Variants in CPED1 observed in about 807,000 individuals in gnomAD.
CPED1 encodes cadherin like and PC-esterase domain containing 1, also known as cadherin-like and PC-esterase domain-containing protein 1.
Under a neutral mutation model 128.2 loss-of-function variants are expected in CPED1, and 114 were observed. The observed-to-expected ratio is 0.89, with a 90% CI of 0.76 to 1.04. The LOEUF is 1.04. Ranked by LOEUF, CPED1 falls within the 50% of genes least tolerant of loss-of-function variation. The pLI is 0.00. For synonymous variants in CPED1, 462 were observed against 426.7 expected (o/e 1.08, Z -1.02); for missense variants, 1,211 against 1,207.1 (o/e 1.00, Z -0.05).
chr7:121,134,658 A>G (rs1415707256), intron 13 of CPED1, among the ~76,000 whole-genome samples: 1 of 152,122 alleles, frequency 6.6e-6, no homozygotes, highest in Non-Finnish European at 1.5e-5. Context: ...ACATTTATTC[A>G]TTACACAATG....
At chr7:121,018,879 C>G (rs1219153819) in intron 3 of CPED1, among the ~76,000 whole-genome samples, 1 of 152,082 alleles carries the variant, frequency 6.6e-6, no homozygotes, top group Non-Finnish European at 1.5e-5. Flanking sequence ...AATCAAACTA[C>G]AGAATTAAAG....
chr7:121,260,494 C>T (rs1413251424), intron 18 of CPED1, among the ~76,000 whole-genome samples: 3 of 151,932 alleles, frequency 2.0e-5, no homozygotes, highest in African/African-American at 7.2e-5. Flanking sequence ...CCACCCCTTT[C>T]ATCATTTAGA....
chr7:121,250,801 G>A (rs1441690054), intron 18 of CPED1, among the ~76,000 whole-genome samples: 1 of 151,962 alleles, frequency 6.6e-6, no homozygotes, highest in Admixed American at 6.6e-5. Context: ...ACCAATAACA[G>A]GATCTGAAAT....
chr7:121,060,241 G>A (rs935061675), intron 4 of CPED1, among the ~76,000 whole-genome samples: 26 of 152,358 alleles, frequency 1.7e-4, no homozygotes, highest in African/African-American at 5.8e-4. Context: ...GCTCCTGTGC[G>A]GCCGGAGCCT....
chr7:120,996,150 C>T (rs1433603515), intron 2 of CPED1, among the ~76,000 whole-genome samples: 1 of 151,992 alleles, frequency 6.6e-6, no homozygotes, highest in Admixed American at 6.6e-5. Context: ...GGATTGATGG[C>T]ATGTGCCTGG....
intron 16 of CPED1, among the ~76,000 whole-genome samples, chr7:121,218,683 A>C (rs529383333): frequency 6.6e-6 from 1 of 151,966 alleles, no homozygotes; most frequent in Non-Finnish European, 1.5e-5. Context: ...AGGGAGGGGA[A>C]TATCACACAC....
intron 4 of CPED1, among the ~76,000 whole-genome samples, chr7:121,055,354 T>C (rs1251570544): frequency 2.0e-5 from 3 of 151,980 alleles, no homozygotes; most frequent in Non-Finnish European, 4.4e-5. Flanking sequence ...ATTTAAAAAA[T>C]AGAGAAAGTC....
chr7:121,105,545 G>A (rs1243922738), intron 7 of CPED1, among the ~76,000 whole-genome samples: 1 of 152,052 alleles, frequency 6.6e-6, no homozygotes, highest in Non-Finnish European at 1.5e-5. Flanking sequence ...TCTCCTGAGA[G>A]TTTGTAAAAA....
At chr7:121,223,522 A>G (rs1797934870) in intron 16 of CPED1, among the ~76,000 whole-genome samples, 1 of 152,166 alleles carries the variant, frequency 6.6e-6, no homozygotes, top group Non-Finnish European at 1.5e-5. Flanking sequence ...GAGTAGTTTC[A>G]GAAGGAATGG....
intron 18 of CPED1, among the ~76,000 whole-genome samples, chr7:121,262,422 T>C (rs1470127040): frequency 1.3e-5 from 2 of 152,198 alleles, no homozygotes; most frequent in Non-Finnish European, 2.9e-5. Context: ...CATGATGCTA[T>C]GAAAAGGAAT....
intron 3 of CPED1, among the ~76,000 whole-genome samples, chr7:121,040,215 T>C (rs928332204): frequency 2.0e-5 from 3 of 152,258 alleles, no homozygotes; most frequent in South Asian, 2.1e-4. Context: ...CCATGTTGTA[T>C]AGTTCATTCA....
intron 22 of CPED1, among the ~76,000 whole-genome samples, chr7:121,287,181 G>A (rs183801255): frequency 7.2e-5 from 11 of 152,112 alleles, no homozygotes; most frequent in Non-Finnish European, 1.6e-4. Context: ...CATATCACCT[G>A]GGATTTAAAG....
At chr7:121,089,989 A>C (rs1448778561) in intron 5 of CPED1, among the ~76,000 whole-genome samples, 3 of 152,208 alleles carry the variant, frequency 2.0e-5, no homozygotes, top group Non-Finnish European at 4.4e-5. Flanking sequence ...ATCATAGGGC[A>C]AGAAAATTGA....
intron 16 of CPED1, among the ~76,000 whole-genome samples, chr7:121,231,417 A>G (rs1002803584): frequency 6.6e-6 from 1 of 152,126 alleles, no homozygotes; most frequent in African/African-American, 2.4e-5. Flanking sequence ...AGACCAACAG[A>G]GATGTAGAAA....
At chr7:121,291,366 A>G (rs151130022) in intron 22 of CPED1, among the ~76,000 whole-genome samples, 40 of 152,352 alleles carry the variant, frequency 2.6e-4, no homozygotes, top group African/African-American at 9.6e-4. Context: ...TGGGAATAGC[A>G]TTGAATCTAT....
At chr7:121,004,737 G>A (rs1160827234) in intron 2 of CPED1, among the ~76,000 whole-genome samples, 3 of 149,158 alleles carry the variant, frequency 2.0e-5, no homozygotes, top group Non-Finnish European at 4.5e-5. Context: ...AAGACCCTAA[G>A]AGTAGACACT....
chr7:121,214,327 CTG>C (rs1229436929), intron 16 of CPED1, among the ~76,000 whole-genome samples: 5 of 152,122 alleles, frequency 3.3e-5, no homozygotes, highest in Admixed American at 1.3e-4. Context: ...GAGTCTCACT[CTG>C]TCACCCAGGC....
chr7:121,007,231 AT>A (rs398006038), intron 2 of CPED1, among the ~76,000 whole-genome samples: 321 of 129,810 alleles, frequency 2.5e-3, no homozygotes, highest in African/African-American at 3.7e-3. Context: ...TTCAGGTTGC[AT>A]TTTTTTTTTT....
chr7:121,008,681 A>G (rs1321890603), intron 2 of CPED1, among the ~76,000 whole-genome samples: 1 of 152,174 alleles, frequency 6.6e-6, no homozygotes, highest in Non-Finnish European at 1.5e-5. Context: ...CTCCTGGATC[A>G]TTCTTTAACA....
Sources: allele counts gnomAD v4.1 joint callset (sites outside exome capture counted in the v4.1 genomes callset), GRCh38; gene constraint gnomAD v4.1.1; transcripts MANE v1.5; gene names NCBI Gene and HGNC (gene_info 2026-07-23, HGNC 2026-07-21).